Variants in TRPC5 observed in about 807,000 individuals in gnomAD.
TRPC5 encodes the protein transient receptor potential cation channel subfamily C member 5.
A neutral mutation model predicts 56.5 loss-of-function variants in TRPC5; 9 were observed. The observed-to-expected ratio is 0.16, with a 90% CI of 0.10 to 0.28. TRPC5 has a LOEUF of 0.28. Ranked by LOEUF, TRPC5 falls within the 10% of genes least tolerant of loss-of-function variation. The pLI is 1.00. For missense variants in TRPC5, 469 were observed against 748.9 expected, an observed-to-expected ratio of 0.63 and a Z score of 4.36; for synonymous variants, 282 against 278.5, an observed-to-expected ratio of 1.01 and a Z score of -0.13.
intron 1 of TRPC5, among the ~76,000 whole-genome samples, chrX:111,963,381 G>A (rs1419407795): frequency 1.8e-5 from 2 of 112,456 alleles, no homozygotes; most frequent in East Asian, 5.6e-4. Context: ...TGCCTCTGTA[G>A]GCTCCACCTC....
rs1193919307 is a variant in TRPC5, at chrX:111,806,102, C to T, written c.1897-23964G>A. ...TTATTAAAATATCTATTTTCTATAT[C>T]ATGAATTTTACTTAATATGTTGGGT... is the stretch of plus-strand genomic sequence containing the variant. On this transcript the variant is annotated intron_variant, in intron 7 of 10. Coordinates refer to ENST00000262839, the MANE Select transcript of TRPC5 (RefSeq NM_012471.3). Among the ~76,000 whole-genome samples the T allele has an allele frequency of 2.7e-5, 3 of 111,944 alleles. No homozygotes were observed. In the Admixed American group the frequency reaches 2.9e-4, roughly 11 times the overall value.
intron 7 of TRPC5, among the ~76,000 whole-genome samples, chrX:111,817,321 T>A (rs1030914653): frequency 1.0e-3 from 108 of 105,599 alleles, no homozygotes; most frequent in Non-Finnish European, 1.7e-3. Context: ...TTCTCTTATC[T>A]GATTTTTTTT....
At chrX:112,055,276 G>T (rs780877063) in intron 1 of TRPC5, among the ~76,000 whole-genome samples, 2 of 112,016 alleles carry the variant, frequency 1.8e-5, no homozygotes, top group East Asian at 2.8e-4. Context: ...CTTCTAGAAG[G>T]TTCTACTCAT....
intron 1 of TRPC5, among the ~76,000 whole-genome samples, chrX:112,045,919 G>C (rs952238384): frequency 1.8e-5 from 2 of 111,342 alleles, no homozygotes; most frequent in African/African-American, 3.3e-5. Context: ...TAGTGCTGTG[G>C]TTCTCAACTT....
At chrX:111,931,391 C>G (rs1181005067) in intron 2 of TRPC5, among the ~76,000 whole-genome samples, 1 of 111,784 alleles carries the variant, frequency 8.9e-6, no homozygotes. Flanking sequence ...GACCTAGGAC[C>G]CTTGTGATTG....
At chrX:111,816,437 G>A (rs776145178) in intron 7 of TRPC5, among the ~76,000 whole-genome samples, 1 of 112,142 alleles carries the variant, frequency 8.9e-6, no homozygotes, top group Admixed American at 9.5e-5. Context: ...AAAGTTGCAA[G>A]CAAATTGGTG....
chrX:112,065,924 A>G (rs919415410), intron 1 of TRPC5, among the ~76,000 whole-genome samples: 1 of 108,972 alleles, frequency 9.2e-6, no homozygotes. Context: ...CTGTAGGATC[A>G]AGTTTGAATT....
At chrX:112,030,971 A>C (rs1243991823) in intron 1 of TRPC5, among the ~76,000 whole-genome samples, 1 of 111,599 alleles carries the variant, frequency 9.0e-6, no homozygotes, top group East Asian at 2.8e-4. Context: ...GGGGAAACTG[A>C]AGTTTGAGTC....
chrX:111,903,109 A>G (rs1925437506), intron 3 of TRPC5: 1 of 111,546 alleles, frequency 9.0e-6, no homozygotes, highest in Admixed American at 9.6e-5. Context: ...GGTCACCTGA[A>G]CAGATTGTAC....
At chrX:111,896,359 CT>C (rs748198990) in intron 3 of TRPC5, 149 of 97,581 alleles carry the variant, frequency 1.5e-3, no homozygotes, top group Admixed American at 1.8e-3. Flanking sequence ...CGCAATTTAT[CT>C]TTTTTTTTTT....
chrX:111,837,905 TC>T (rs1486424048), intron 6 of TRPC5, among the ~76,000 whole-genome samples: 1 of 58,383 alleles, frequency 1.7e-5, no homozygotes, highest in African/African-American at 1.1e-4. Context: ...AGCCCCGTTA[TC>T]AAAAAAAAAA....
chrX:111,937,001 A>G (rs1246912761), intron 2 of TRPC5, among the ~76,000 whole-genome samples: 1 of 105,718 alleles, frequency 9.5e-6, no homozygotes, highest in Non-Finnish European at 1.9e-5. Flanking sequence ...CCTCTCCAGC[A>G]CCTGTTGTTT....
At chrX:111,864,565 C>A (rs766329452) in intron 3 of TRPC5, among the ~76,000 whole-genome samples, 1 of 111,940 alleles carries the variant, frequency 8.9e-6, no homozygotes, top group Non-Finnish European at 1.9e-5. Context: ...ACCCAGTTTG[C>A]TCCCCTTCAG....
intron 7 of TRPC5, among the ~76,000 whole-genome samples, chrX:111,806,936 A>G (rs1359974004): frequency 9.0e-6 from 1 of 111,647 alleles, no homozygotes; most frequent in Admixed American, 9.6e-5. Flanking sequence ...GTCTGCTGCC[A>G]GGTGTATTAG....
intron 1 of TRPC5, among the ~76,000 whole-genome samples, chrX:112,061,790 A>G (rs190141704): frequency 9.0e-6 from 1 of 111,463 alleles, no homozygotes; most frequent in Non-Finnish European, 1.9e-5. Context: ...AATAAAAGAA[A>G]AAGTCCAGAA....
chrX:112,002,536 G>A (rs1928722912), intron 1 of TRPC5, among the ~76,000 whole-genome samples: 1 of 111,622 alleles, frequency 9.0e-6, no homozygotes, highest in Non-Finnish European at 1.9e-5. Flanking sequence ...CCTGGACTAT[G>A]GCATTAAACA....
At chrX:112,062,607 A>G (rs1930484265) in intron 1 of TRPC5, among the ~76,000 whole-genome samples, 1 of 112,339 alleles carries the variant, frequency 8.9e-6, no homozygotes, top group South Asian at 3.7e-4. Context: ...TATTCTTGCT[A>G]CAATACTGGT....
At chrX:112,067,153 A>G (rs1201490761) in intron 1 of TRPC5, among the ~76,000 whole-genome samples, 1 of 111,549 alleles carries the variant, frequency 9.0e-6, no homozygotes, top group Non-Finnish European at 1.9e-5. Context: ...ACTAGAGGTG[A>G]CTCTTCACCC....
intron 1 of TRPC5, among the ~76,000 whole-genome samples, chrX:112,031,340 C>T (rs984244098): frequency 9.0e-6 from 1 of 111,616 alleles, no homozygotes; most frequent in South Asian, 3.8e-4. Context: ...TGAGTAATAG[C>T]TTCCCTGCTC....
Sources: allele counts gnomAD v4.1 joint callset (sites outside exome capture counted in the v4.1 genomes callset), GRCh38; gene constraint gnomAD v4.1.1; transcripts MANE v1.5; gene names NCBI Gene and HGNC (gene_info 2026-07-23, HGNC 2026-07-21).